The following UVRAG variants were observed in gnomAD, a reference collection of about 807,000 sequenced individuals.
UVRAG encodes UV radiation resistance-associated gene protein.
UVRAG carries 19 observed loss-of-function variants against 78.0 expected under a neutral mutation model. That is an observed-to-expected ratio of 0.24 (90% CI 0.17 to 0.36). The LOEUF (loss-of-function observed/expected upper bound fraction) is 0.36, where lower values mean the gene tolerates loss of function less well. UVRAG is among the 10% of genes least tolerant of loss of function. The probability of loss-of-function intolerance (pLI) is 1.00; values close to 1 mark genes in which losing one functional copy is unlikely to be tolerated. For missense variants in UVRAG, 740 were observed against 853.8 expected, an observed-to-expected ratio of 0.87 and a Z score of 1.66; for synonymous variants, 323 against 324.6, an observed-to-expected ratio of 1.00 and a Z score of 0.05.
chr11:75,949,147 A>G (rs1342528583), intron 6 of UVRAG, among the ~76,000 whole-genome samples: 1 of 152,120 alleles, frequency 6.6e-6, no homozygotes, highest in Non-Finnish European at 1.5e-5. Context: ...GTTGCTGCTA[A>G]ATATGTAGAA....
chr11:75,851,942 T>C lies in UVRAG; in HGVS notation c.177T>C (p.His59=), dbSNP rs1335316023. The change falls in exon 2 of 15, where the codon CAT becomes CAC. Residue 59 remains histidine (H), a synonymous_variant. Transcript: ENST00000356136. The part of the protein sequence containing the change: ...AARNIVNRNG[H]QLLDTYFTLH... ...GGAACATTGTTAATAGAAATGGCCATCAGCTCCTTGATACCTACTTTACAC... is the reference window on the plus strand; with the variant it reads ...GGAACATTGTTAATAGAAATGGCCACCAGCTCCTTGATACCTACTTTACAC... The C allele has an allele frequency of 6.2e-7, 1 of 1,614,132 alleles. No individual in the cohort carries two copies. Among genetic ancestry groups the C allele is most frequent in the Non-Finnish European group, 8.5e-7 (1 of 1,179,986 alleles).
chr11:75,903,668 G>C (rs1947557582), intron 5 of UVRAG, among the ~76,000 whole-genome samples: 1 of 152,144 alleles, frequency 6.6e-6, no homozygotes, highest in East Asian at 1.9e-4. Flanking sequence ...TACTGCAGCA[G>C]AACTCCTGTA....
At chr11:75,880,131 T>G in intron 4 of UVRAG, 91 bp downstream of exon 4, 1 of 1,467,744 alleles carries the variant, frequency 6.8e-7, no homozygotes, top group African/African-American at 1.4e-5. Flanking sequence ...GCGTTTCCTA[T>G]TATAAAGAGA....
intron 12 of UVRAG, among the ~76,000 whole-genome samples, chr11:76,038,030 C>T (rs963311936): frequency 6.6e-6 from 1 of 151,906 alleles, no homozygotes; most frequent in Non-Finnish European, 1.5e-5. Flanking sequence ...TTTAGGAATT[C>T]TTTAATTAGA....
rs188613836 is a variant in UVRAG, at chr11:76,113,703, C to T, written c.1306-2221C>T. ...GGAGCTGTTATTAAGCGGTTCTAGC[C>T]TTGGCTTTGTCCCTTATCATCCCTG... On this transcript the variant is annotated intron_variant, in intron 13 of 14. Coordinates refer to ENST00000356136, the MANE Select transcript of UVRAG (RefSeq NM_003369.4). Among the ~76,000 whole-genome samples the T allele has an allele frequency of 4.6e-5, 7 of 152,074 alleles. No homozygotes were observed. In the East Asian group the frequency reaches 1.4e-3, roughly 29 times the overall value.
chr11:75,967,298 C>T (rs1949041445), intron 7 of UVRAG, among the ~76,000 whole-genome samples: 1 of 152,146 alleles, frequency 6.6e-6, no homozygotes, highest in African/African-American at 2.4e-5. Context: ...GCTGTATCCT[C>T]CTGGCTAAAT....
rs1408742430 is a variant in UVRAG, at chr11:76,016,799, G to A, written c.1061-16G>A. The A allele has an allele frequency of 6.3e-7, 1 of 1,575,824 alleles. No individual in the cohort carries two copies. The highest frequency in any genetic ancestry group is 1.7e-5 in the Admixed American group (1 of 57,618). On this transcript the variant is annotated splice_polypyrimidine_tract_variant and intron_variant, in intron 11 of 14. Transcript: ENST00000356136. ...GTAAATAGTTATTTTCTTTTCCTCT[G>A]CTTTTGAATTTACAGCAAAAGATGA... is the stretch of plus-strand genomic sequence containing the variant.
chr11:75,971,654 G>T (rs889428836), intron 7 of UVRAG, among the ~76,000 whole-genome samples: 1 of 151,066 alleles, frequency 6.6e-6, no homozygotes, highest in Admixed American at 6.6e-5. Flanking sequence ...TACCTGTTCA[G>T]TTCTTTGTTG....
intron 6 of UVRAG, among the ~76,000 whole-genome samples, chr11:75,952,360 G>A (rs1168181614): frequency 2.0e-5 from 3 of 151,960 alleles, no homozygotes; most frequent in Non-Finnish European, 4.4e-5. Context: ...GTTTTTGATT[G>A]TAAGTATAGG....
rs148839098 is a variant in UVRAG at position 75,914,608 on chromosome 11, C to G, written c.593+2569C>G. The G allele has an allele frequency of 4.2e-3, 633 of 152,498 alleles. 4 individuals are homozygous for G. The highest frequency in any genetic ancestry group is 0.015 in the African/African-American group (609 of 41,552). 9.4% of individuals were successfully genotyped at this position (152,498 alleles called of 1,614,324 possible). A position where few individuals can be genotyped will look rare whatever the true frequency, so the allele number is the denominator to read the frequency against. ...TCCCAGGTTCAAGTGATTCTCCTGC[C>G]TCAGCCTCCCGAGTAGCTGGGATTA... On this transcript the variant is annotated intron_variant, in intron 6 of 14. Coordinates refer to ENST00000356136, the MANE Select transcript of UVRAG (RefSeq NM_003369.4).
intron 6 of UVRAG, among the ~76,000 whole-genome samples, chr11:75,960,001 T>G (rs1948879826): frequency 6.6e-6 from 1 of 152,156 alleles, no homozygotes; most frequent in Non-Finnish European, 1.5e-5. Flanking sequence ...GTACAGCTCG[T>G]GGTGCTCCAA....
intron 6 of UVRAG, chr11:75,915,017 G>A (rs889168718): frequency 1.3e-5 from 2 of 152,278 alleles, no homozygotes; most frequent in Admixed American, 6.5e-5. Context: ...GCCAAGGCAG[G>A]CGGATTGCCT....
In UVRAG at chr11:76,008,803, A is replaced by C. The variant is rs1949998155; in HGVS notation, c.1000-4A>C. On this transcript the variant is annotated splice_polypyrimidine_tract_variant and splice_region_variant and intron_variant, in intron 10 of 14. Transcript: ENST00000356136. ...TTAATTTTATTCTTTAATTAAATTCACAGAATGAACATAAGGATTACTTTG... is the reference window on the plus strand; with the variant it reads ...TTAATTTTATTCTTTAATTAAATTCCCAGAATGAACATAAGGATTACTTTG... 2.1e-6 allele frequency: 3 copies of C among 1,438,520 alleles called. No individual in the cohort carries two copies. Among genetic ancestry groups the C allele is most frequent in the Non-Finnish European group, 1.9e-6 (2 of 1,065,014 alleles). 89.1% of individuals were successfully genotyped at this position (1,438,520 alleles called of 1,614,324 possible). A position where few individuals can be genotyped will look rare whatever the true frequency, so the allele number is the denominator to read the frequency against.
At chr11:75,828,306 C>G (rs2135815262) in intron 1 of UVRAG, among the ~76,000 whole-genome samples, 1 of 152,150 alleles carries the variant, frequency 6.6e-6, no homozygotes, top group East Asian at 1.9e-4. Flanking sequence ...TCATACACTT[C>G]TATCAAAAAC....
Position 76,078,788 on chromosome 11 carries a change from G to C in UVRAG, c.1305+13000G>C, listed in dbSNP as rs577193478. ...AAAAAAAAAAAAAAAAATTAGCTGG[G>C]TGTGGTGGCGGACACCTGTAGTCCC... On this transcript the variant is annotated intron_variant, in intron 13 of 14. Transcript: ENST00000356136. Among the ~76,000 whole-genome samples the C allele has an allele frequency of 1.1e-4, 17 of 150,588 alleles. No individual in the cohort carries two copies. In the East Asian group the frequency reaches 2.7e-3, roughly 24 times the overall value.
intron 1 of UVRAG, among the ~76,000 whole-genome samples, chr11:75,840,555 A>T (rs1220145084): frequency 6.6e-6 from 1 of 152,226 alleles, no homozygotes; most frequent in African/African-American, 2.4e-5. Flanking sequence ...AGCCTGTTTT[A>T]TAATTTAGTG....
rs186359906 is a variant in UVRAG, at chr11:76,141,394, G to A, written c.2081G>A (p.Arg694His). 24 of 1,613,166 alleles carry A rather than the reference G, an allele frequency of 1.5e-5. No individual in the cohort carries two copies. Among genetic ancestry groups the A allele is most frequent in the East Asian group, 4.5e-5 (2 of 44,890 alleles). The stretch of plus-strand genomic sequence containing the variant: ...AACGTATCCAGCTTCCGCCGGCCGC[G>A]CAGGAGTTCCGATAAGTGAAGTGAG... ...NENVSSFRRP[R>H]RSSDK Residue 694 changes from arginine (R) to histidine (H), a missense_variant, in exon 15 of 15, where the codon CGC becomes CAC. Physicochemically the swap from Arg to His is conservative, Grantham distance 29. Coordinates refer to ENST00000356136, the MANE Select transcript of UVRAG (RefSeq NM_003369.4).
intron 6 of UVRAG, among the ~76,000 whole-genome samples, chr11:75,954,871 C>G (rs891348785): frequency 6.6e-6 from 1 of 152,162 alleles, no homozygotes; most frequent in Admixed American, 6.5e-5. Flanking sequence ...TCTACCTGTC[C>G]GTAATAGTCA....
At position 76,008,860 on chromosome 11, in the gene UVRAG, C is replaced by T. The variant is rs1411922665; in HGVS notation, c.1053C>T (p.Asp351=). ...GTGTCAAGTTGCCTAATTCTGAGGA[C>T]TTCCAAGGTATTTTATTTTTTATTT... ...VCGVKLPNSE[D]FQAKDDGSIA... The change falls in exon 11 of 15, where the codon GAC becomes GAT. Residue 351 remains aspartate (D), a synonymous_variant. Coordinates refer to ENST00000356136, the MANE Select transcript of UVRAG (RefSeq NM_003369.4). 4.1e-6 allele frequency: 6 copies of T among 1,461,374 alleles called. No individual in the cohort carries two copies. The highest frequency in any genetic ancestry group is 4.6e-6 in the Non-Finnish European group (5 of 1,080,238). The allele number at this position is 1,461,374 out of a possible 1,614,324, so 90.5% of individuals were successfully genotyped here.
Sources: gnomAD v4.1 joint callset for allele counts (sites outside exome capture counted in the v4.1 genomes callset) on GRCh38, gnomAD v4.1.1 for gene constraint, MANE v1.5 for transcripts, NCBI Gene and HGNC (gene_info 2026-07-23, HGNC 2026-07-21) for gene names.